Variants in NFIA observed in about 807,000 individuals in gnomAD.
NFIA encodes the protein nuclear factor 1 A-type.
A neutral mutation model predicts 62.8 loss-of-function variants in NFIA; 8 were observed. That is an observed-to-expected ratio of 0.13 (90% CI 0.07 to 0.23). The LOEUF (loss-of-function observed/expected upper bound fraction) is 0.23. NFIA is among the 10% of genes least tolerant of loss of function. The pLI, the probability that NFIA is intolerant of heterozygous loss-of-function variation, is 1.00. For missense variants in NFIA, 410 were observed against 642.1 expected (o/e 0.64, Z 3.91); for synonymous variants, 235 against 238.1 (o/e 0.99, Z 0.12).
intron 7 of NFIA, among the ~76,000 whole-genome samples, chr1:61,400,771 C>A (rs967371067): frequency 1.3e-5 from 2 of 152,172 alleles, no homozygotes; most frequent in African/African-American, 4.8e-5. Flanking sequence ...CCTGATCTGG[C>A]CACCTCAAAA....
rs746516057 is a variant in NFIA at position 61,455,392 on chromosome 1, C to T, written c.*72C>T. On this transcript the variant is annotated 3_prime_UTR_variant, in exon 11 of 11. Coordinates refer to ENST00000403491, the MANE Select transcript of NFIA (RefSeq NM_001134673.4). ...CTCAACTCTGTAACATGGACGCAACCTCAACCCAGCGCAGTTACAACTTCA... is the reference window on the plus strand; with the variant it reads ...CTCAACTCTGTAACATGGACGCAACTTCAACCCAGCGCAGTTACAACTTCA... The T allele has an allele frequency of 1.2e-6, 2 of 1,613,272 alleles. No individual in the cohort carries two copies. The highest frequency in any genetic ancestry group is 2.2e-5 in the East Asian group (1 of 44,870).
At chr1:61,133,466 C>G (rs1251324668) in intron 2 of NFIA, among the ~76,000 whole-genome samples, 2 of 152,140 alleles carry the variant, frequency 1.3e-5, no homozygotes, top group African/African-American at 4.8e-5. Context: ...AGGGAACTTA[C>G]TAGTCTTGTT....
At chr1:61,369,625 C>G (rs1313003416) in intron 6 of NFIA, among the ~76,000 whole-genome samples, 1 of 152,054 alleles carries the variant, frequency 6.6e-6, no homozygotes, top group African/African-American at 2.4e-5. Flanking sequence ...ATTTTATAGA[C>G]TCAAGACAAG....
intron 6 of NFIA, among the ~76,000 whole-genome samples, chr1:61,366,640 A>G (rs1663604576): frequency 6.6e-6 from 1 of 152,198 alleles, no homozygotes; most frequent in African/African-American, 2.4e-5. Context: ...TAAGTACTTT[A>G]GGCCGAGCAC....
chr1:61,289,155 A>G (rs1207983866), intron 3 of NFIA, among the ~76,000 whole-genome samples: 1 of 152,176 alleles, frequency 6.6e-6, no homozygotes, highest in Non-Finnish European at 1.5e-5. Flanking sequence ...TTTTATAGGA[A>G]TGGGTCTGTG....
At chr1:61,394,716 T>C (rs1665177621) in intron 7 of NFIA, among the ~76,000 whole-genome samples, 1 of 152,210 alleles carries the variant, frequency 6.6e-6, no homozygotes, top group Admixed American at 6.5e-5. Context: ...TTCTGTTGCT[T>C]ATTCCATTCC....
chr1:61,106,100 CATCTATCTATCTATCT>C (rs58274631), intron 2 of NFIA, among the ~76,000 whole-genome samples: 2 of 149,156 alleles, frequency 1.3e-5, no homozygotes, highest in South Asian at 2.1e-4. Context: ...CTCTCTCATG[CATCTATCTATCTATCT>C]ATCTATCTAT....
At chr1:61,352,866 C>A (rs1320580909) in intron 5 of NFIA, among the ~76,000 whole-genome samples, 5 of 151,692 alleles carry the variant, frequency 3.3e-5, no homozygotes, top group Non-Finnish European at 7.4e-5. Context: ...AAAAAGAATA[C>A]CTTGTTTCCA....
At chr1:61,261,305 C>T (rs1055145499) in intron 2 of NFIA, among the ~76,000 whole-genome samples, 1 of 152,168 alleles carries the variant, frequency 6.6e-6, no homozygotes, top group Non-Finnish European at 1.5e-5. Context: ...GATGGTTCAA[C>T]TTAAGAATCC....
chr1:61,100,953 A>T (rs1398275749), intron 2 of NFIA, among the ~76,000 whole-genome samples: 14 of 147,738 alleles, frequency 9.5e-5, no homozygotes, highest in Admixed American at 2.0e-4. Context: ...TTTTTTTTTT[A>T]CCATAAAATT....
At chr1:61,445,446 C>A (rs1667765419) in intron 10 of NFIA, among the ~76,000 whole-genome samples, 1 of 152,032 alleles carries the variant, frequency 6.6e-6, no homozygotes, top group African/African-American at 2.4e-5. Flanking sequence ...TAAATCTGAA[C>A]ATAAAAAGCA....
intron 3 of NFIA, among the ~76,000 whole-genome samples, chr1:61,321,226 A>C (rs1305437723): frequency 6.6e-6 from 1 of 151,794 alleles, no homozygotes; most frequent in Non-Finnish European, 1.5e-5. Flanking sequence ...AATGGTGCTA[A>C]AGTAAGTGTT....
At chr1:61,091,709 A>G (rs986688054) in intron 2 of NFIA, among the ~76,000 whole-genome samples, 3 of 152,224 alleles carry the variant, frequency 2.0e-5, no homozygotes, top group Admixed American at 6.5e-5. Flanking sequence ...ATCAGAATCT[A>G]CAATATACCC....
chr1:61,444,562 C>T (rs1020049136), intron 10 of NFIA, among the ~76,000 whole-genome samples: 6 of 152,264 alleles, frequency 3.9e-5, no homozygotes, highest in Admixed American at 1.3e-4. Context: ...AACTTGTAAA[C>T]GGTGTTCCTT....
chr1:61,158,606 A>T (rs1258533603), intron 2 of NFIA, among the ~76,000 whole-genome samples: 1 of 152,228 alleles, frequency 6.6e-6, no homozygotes, highest in Admixed American at 6.5e-5. Flanking sequence ...TTTAACAGAG[A>T]ATCTCAATGG....
intron 2 of NFIA, among the ~76,000 whole-genome samples, chr1:61,231,646 A>G (rs1271559748): frequency 6.6e-6 from 1 of 152,216 alleles, no homozygotes; most frequent in Non-Finnish European, 1.5e-5. Flanking sequence ...AGACCTGCTT[A>G]TATAACAGCC....
upstream of NFIA, chr1:61,082,307 C>T (rs1167671114): frequency 7.5e-6 from 2 of 265,894 alleles, no homozygotes; most frequent in African/African-American, 2.3e-5. Context: ...CGAGCGCGAG[C>T]GGCCGCGGAG....
At chr1:61,330,766 C>A (rs1443005212) in intron 3 of NFIA, among the ~76,000 whole-genome samples, 5 of 152,066 alleles carry the variant, frequency 3.3e-5, no homozygotes, top group African/African-American at 1.2e-4. Flanking sequence ...CAAGTATCAG[C>A]CTGTAAGTCA....
chr1:61,079,009 G>C (rs1646065010), upstream of NFIA, among the ~76,000 whole-genome samples: 1 of 152,154 alleles, frequency 6.6e-6, no homozygotes, highest in South Asian at 2.1e-4. Context: ...AATAATATGG[G>C]CTCTTTCCCT....
Sources: gnomAD v4.1 joint callset for allele counts (sites outside exome capture counted in the v4.1 genomes callset) on GRCh38, gnomAD v4.1.1 for gene constraint, MANE v1.5 for transcripts, NCBI Gene and HGNC (gene_info 2026-07-23, HGNC 2026-07-21) for gene names.